The following ZDHHC9 variants were observed in gnomAD, a reference collection of about 807,000 sequenced individuals.
ZDHHC9 encodes palmitoyltransferase ZDHHC9.
A neutral mutation model predicts 26.6 loss-of-function variants in ZDHHC9; 3 were observed. That is an observed-to-expected ratio of 0.11 (90% CI 0.05 to 0.29). ZDHHC9 has a LOEUF of 0.29. ZDHHC9 is among the 10% of genes least tolerant of loss of function. ZDHHC9 has a pLI of 1.00. For missense variants in ZDHHC9, 146 were observed against 296.4 expected (o/e 0.49, Z 3.73); for synonymous variants, 111 against 109.4 (o/e 1.01, Z -0.09).
chrX:129,839,349 T>A (rs1212453744), intron 3 of ZDHHC9, among the ~76,000 whole-genome samples: 1 of 109,472 alleles, frequency 9.1e-6, no homozygotes, highest in Admixed American at 9.7e-5. Flanking sequence ...TAGCTGGGAC[T>A]ACAGGCGCAC....
At chrX:129,807,806 G>A (rs1299429808) in intron 10 of ZDHHC9, among the ~76,000 whole-genome samples, 2 of 112,139 alleles carry the variant, frequency 1.8e-5, no homozygotes, top group African/African-American at 3.2e-5. Flanking sequence ...GCAACAGAGC[G>A]AAACTCCATC....
At chrX:129,826,361 C>G (rs1043179339) in intron 4 of ZDHHC9, among the ~76,000 whole-genome samples, 1 of 111,209 alleles carries the variant, frequency 9.0e-6, no homozygotes, top group African/African-American at 3.3e-5. Context: ...CACAGCATAC[C>G]CAGTACAGGA....
chrX:129,808,618 A>C (rs192994340), intron 10 of ZDHHC9, among the ~76,000 whole-genome samples: 1 of 112,234 alleles, frequency 8.9e-6, no homozygotes, highest in African/African-American at 3.2e-5. Flanking sequence ...TCTTACAAGA[A>C]AACAAGGGCA....
intron 10 of ZDHHC9, among the ~76,000 whole-genome samples, chrX:129,809,284 C>T (rs746678388): frequency 2.6e-4 from 29 of 112,107 alleles, no homozygotes; most frequent in African/African-American, 9.4e-4. Flanking sequence ...AGCAGCATCA[C>T]TCATAATAAT....
intron 5 of ZDHHC9, 88 bp downstream of exon 5, chrX:129,823,591 C>G: frequency 2.8e-6 from 3 of 1,075,515 alleles, no homozygotes; most frequent in Non-Finnish European, 3.9e-6. Context: ...CTAAATCTAT[C>G]TTCCCTCCTC....
chrX:129,824,446 T>G (rs1927965742), intron 4 of ZDHHC9, among the ~76,000 whole-genome samples: 2 of 110,883 alleles, frequency 1.8e-5, no homozygotes, highest in African/African-American at 6.6e-5. Flanking sequence ...CCCACCACCA[T>G]GCCTGGCTGA....
In ZDHHC9 at chrX:129,812,748, G is replaced by A. The variant is rs780225583; in HGVS notation, c.747C>T (p.Leu249=). The change falls in exon 8 of 11, where the codon CTC becomes CTT. Residue 249 remains leucine, a synonymous_variant. Coordinates refer to ENST00000357166, the MANE Select transcript of ZDHHC9 (RefSeq NM_016032.4). ...CATTGGTTGTCTGGTTGAGAGCCACGAGGAAAGTATGAAATCCAGTCAGTC... is the reference window on the plus strand; with the variant it reads ...CATTGGTTGTCTGGTTGAGAGCCACAAGGAAAGTATGAAATCCAGTCAGTC... ...VVGLTGFHTF[L]VALNQTTNED... 11 of 1,209,234 alleles carry A rather than the reference G, an allele frequency of 9.1e-6. No homozygotes were observed. In the Admixed American group the frequency reaches 1.1e-4, roughly 12 times the overall value.
chrX:129,835,338 T>C (rs1310903400), intron 3 of ZDHHC9, among the ~76,000 whole-genome samples: 1 of 107,463 alleles, frequency 9.3e-6, no homozygotes, highest in Admixed American at 1.0e-4. Context: ...TCCCAGATAC[T>C]TGGGAGGCTG....
Position 129,805,768 on chromosome X carries a change from G to GTCGCCGT in ZDHHC9, c.*601_*602insACGGCGA. On this transcript the variant is annotated 3_prime_UTR_variant, in exon 11 of 11. Coordinates refer to ENST00000357166, the MANE Select transcript of ZDHHC9 (RefSeq NM_016032.4). ...AGAGTGGGGCTTAGGTGTCAGAGTG[G>GTCGCCGT]ATGGGAGACAAAGGAGAAGCTACAC... 1.7e-5 allele frequency: 2 copies of GTCGCCGT among 115,524 alleles called. No homozygotes were observed. The highest frequency in any genetic ancestry group is 3.7e-5 in the Non-Finnish European group (2 of 54,609). 9.5% of individuals were successfully genotyped at this position (115,524 alleles called of 1,213,427 possible).
intron 10 of ZDHHC9, among the ~76,000 whole-genome samples, chrX:129,808,374 T>C (rs1454732166): frequency 8.9e-6 from 1 of 112,233 alleles, no homozygotes; most frequent in Non-Finnish European, 1.9e-5. Flanking sequence ...AACAGACATA[T>C]TGAGCAATAC....
intron 5 of ZDHHC9, among the ~76,000 whole-genome samples, chrX:129,821,089 G>C (rs143006870): frequency 0.061 from 6,772 of 111,397 alleles, 513 homozygotes; most frequent in African/African-American, 0.21. Flanking sequence ...ACCACACTGA[G>C]ATACCATCTC....
At chrX:129,819,687 G>A (rs1045748564) in intron 5 of ZDHHC9, among the ~76,000 whole-genome samples, 2 of 108,659 alleles carry the variant, frequency 1.8e-5, no homozygotes, top group Non-Finnish European at 3.8e-5. Context: ...ATGTACGAAT[G>A]TCCTATTATT....
intron 5 of ZDHHC9, among the ~76,000 whole-genome samples, chrX:129,816,763 T>C (rs1347528411): frequency 1.8e-5 from 2 of 111,937 alleles, no homozygotes; most frequent in Admixed American, 1.9e-4. Flanking sequence ...AATTTGGCAG[T>C]ACGTATCAAG....
chrX:129,832,810 A>AATAAATAAATAAATAAATAC (rs1322848585), intron 3 of ZDHHC9, among the ~76,000 whole-genome samples: 5 of 107,298 alleles, frequency 4.7e-5, no homozygotes, highest in African/African-American at 1.7e-4. Flanking sequence ...TAAATAAATA[A>AATAAATAAATAAATAAATAC]ATACATAAGC....
At chrX:129,818,183 G>A (rs764901211) in intron 5 of ZDHHC9, among the ~76,000 whole-genome samples, 4 of 112,006 alleles carry the variant, frequency 3.6e-5, no homozygotes, top group Non-Finnish European at 7.5e-5. Context: ...AAAAGGTCAC[G>A]TGAGGACACA....
chrX:129,816,951 C>T (rs1046803154), intron 5 of ZDHHC9, among the ~76,000 whole-genome samples: 5 of 110,975 alleles, frequency 4.5e-5, no homozygotes, highest in African/African-American at 1.3e-4. Context: ...GGTGCGATCT[C>T]GGCTCACTGC....
chrX:129,832,227 C>T (rs780621532), intron 3 of ZDHHC9, among the ~76,000 whole-genome samples: 31 of 109,950 alleles, frequency 2.8e-4, no homozygotes, highest in African/African-American at 9.9e-4. Context: ...CTAGACTAAT[C>T]CCATAATTGC....
chrX:129,820,326 T>C (rs1461816345), intron 5 of ZDHHC9, among the ~76,000 whole-genome samples: 2 of 109,504 alleles, frequency 1.8e-5, no homozygotes, highest in East Asian at 2.9e-4. Flanking sequence ...ACACCTGTAA[T>C]CACAACACTT....
At chrX:129,830,732 G>A (rs1002512549) in intron 3 of ZDHHC9, among the ~76,000 whole-genome samples, 5 of 111,405 alleles carry the variant, frequency 4.5e-5, no homozygotes, top group Admixed American at 1.9e-4. Context: ...GCAAGCTACT[G>A]GCCATTCAAA....
Sources: allele counts gnomAD v4.1 joint callset (sites outside exome capture counted in the v4.1 genomes callset), GRCh38; gene constraint gnomAD v4.1.1; transcripts MANE v1.5; gene names NCBI Gene and HGNC (gene_info 2026-07-23, HGNC 2026-07-21).